The following ZFP91 variants were observed in gnomAD, a reference collection of about 807,000 sequenced individuals.
The protein encoded by ZFP91 is E3 ubiquitin-protein ligase ZFP91.
A neutral mutation model predicts 63.5 loss-of-function variants in ZFP91; 7 were observed. The ratio of observed to expected loss-of-function variants is 0.11; its 90% CI spans 0.06 to 0.21. ZFP91 has a LOEUF of 0.21. Ranked by LOEUF, ZFP91 falls within the 10% of genes least tolerant of loss-of-function variation. The pLI, the probability that ZFP91 is intolerant of heterozygous loss-of-function variation, is 1.00. For missense variants in ZFP91, 628 were observed against 736.6 expected, an observed-to-expected ratio of 0.85 and a Z score of 1.71; for synonymous variants, 330 against 272.1, an observed-to-expected ratio of 1.21 and a Z score of -2.10.
intron 1 of ZFP91, among the ~76,000 whole-genome samples, chr11:58,581,917 G>GA (rs1855123823): frequency 6.6e-6 from 1 of 152,182 alleles, no homozygotes; most frequent in Non-Finnish European, 1.5e-5. Flanking sequence ...AATATCATTA[G>GA]AAAACAGTAG....
chr11:58,608,249 A>G (rs891478498), intron 2 of ZFP91, among the ~76,000 whole-genome samples: 3 of 151,918 alleles, frequency 2.0e-5, no homozygotes, highest in Non-Finnish European at 2.9e-5. Context: ...TTATTTGTGA[A>G]ACCAATCCCT....
intron 2 of ZFP91, among the ~76,000 whole-genome samples, chr11:58,598,804 C>T (rs1306261689): frequency 1.3e-5 from 2 of 150,234 alleles, no homozygotes; most frequent in Non-Finnish European, 3.0e-5. Flanking sequence ...GTGAAATTCA[C>T]ATAACAAAAA....
chr11:58,598,376 A>G (rs752531015), intron 2 of ZFP91, among the ~76,000 whole-genome samples: 3 of 152,084 alleles, frequency 2.0e-5, no homozygotes, highest in Non-Finnish European at 4.4e-5. Context: ...AAATTGTCAC[A>G]AATCTCCAAA....
chr11:58,597,757 A>G (rs986425986), intron 2 of ZFP91, among the ~76,000 whole-genome samples: 5 of 152,174 alleles, frequency 3.3e-5, no homozygotes, highest in Non-Finnish European at 4.4e-5. Context: ...CTTTTCTTCA[A>G]TACTTTTTAT....
intron 2 of ZFP91, among the ~76,000 whole-genome samples, chr11:58,603,271 T>G (rs1021023621): frequency 6.6e-6 from 1 of 152,204 alleles, no homozygotes; most frequent in Non-Finnish European, 1.5e-5. Context: ...AGGAAAGATA[T>G]AAATTGAGGA....
At chr11:58,590,227 A>G (rs2134395032) in intron 2 of ZFP91, among the ~76,000 whole-genome samples, 1 of 152,364 alleles carries the variant, frequency 6.6e-6, no homozygotes, top group African/African-American at 2.4e-5. Context: ...TGTGACAAAA[A>G]GTAATATTGC....
intron 2 of ZFP91, among the ~76,000 whole-genome samples, chr11:58,593,645 T>C (rs1855346375): frequency 6.6e-6 from 1 of 152,256 alleles, no homozygotes. Context: ...TTTGTTTTTA[T>C]GTGCTGACAA....
At chr11:58,581,027 G>A (rs1386174875) in intron 1 of ZFP91, among the ~76,000 whole-genome samples, 1 of 152,118 alleles carries the variant, frequency 6.6e-6, no homozygotes, top group Non-Finnish European at 1.5e-5. Flanking sequence ...CCATGCCTTA[G>A]TTTCCTTACC....
chr11:58,599,359 G>A (rs1014584693), intron 2 of ZFP91, among the ~76,000 whole-genome samples: 1 of 151,982 alleles, frequency 6.6e-6, no homozygotes, highest in Admixed American at 6.6e-5. Flanking sequence ...GTAATTCTGT[G>A]TCTAAGTTTT....
chr11:58,611,298 A>G (rs573747696), intron 5 of ZFP91: 8 of 478,498 alleles, frequency 1.7e-5, no homozygotes, highest in Middle Eastern at 5.4e-4. Context: ...TTTTATTTCA[A>G]CAAGGTATCA....
chr11:58,584,899 T>A lies in ZFP91; in HGVS notation c.370+15T>A, dbSNP rs2134389395. 1 of 1,512,920 alleles carries A rather than the reference T, an allele frequency of 6.6e-7. No individual in the cohort carries two copies. The highest frequency in any genetic ancestry group is 8.8e-7 in the Non-Finnish European group (1 of 1,138,926). 93.7% of individuals were successfully genotyped at this position (1,512,920 alleles called of 1,614,324 possible). Reference sequence around the variant, plus strand: ...AACTGATAAAGGTAAGACTTGGTCATCCTTACCTCTAGCGTACATTACACT... The same window carrying A: ...AACTGATAAAGGTAAGACTTGGTCAACCTTACCTCTAGCGTACATTACACT... On this transcript the variant is annotated intron_variant, in intron 2 of 10. Coordinates refer to ENST00000316059, the MANE Select transcript of ZFP91 (RefSeq NM_053023.5).
intron 2 of ZFP91, among the ~76,000 whole-genome samples, chr11:58,593,124 G>A (rs2134398447): frequency 6.6e-6 from 1 of 152,338 alleles, no homozygotes; most frequent in Non-Finnish European, 1.5e-5. Context: ...TTCAACATGA[G>A]ATTTGAAGAG....
chr11:58,593,975 A>T (rs1855352851), intron 2 of ZFP91, among the ~76,000 whole-genome samples: 1 of 152,098 alleles, frequency 6.6e-6, no homozygotes, highest in African/African-American at 2.4e-5. Flanking sequence ...CTTTAAAGCC[A>T]TTATTATCTG....
intron 2 of ZFP91, among the ~76,000 whole-genome samples, chr11:58,605,406 C>G (rs1855554740): frequency 6.6e-6 from 1 of 152,178 alleles, no homozygotes; most frequent in African/African-American, 2.4e-5. Context: ...TAAGTGCTCT[C>G]TAGTGTCCTT....
chr11:58,611,836 C>T (rs1283673817), intron 6 of ZFP91, 98 bp downstream of exon 6: 1 of 1,368,524 alleles, frequency 7.3e-7, no homozygotes. Context: ...CGTATACATG[C>T]TTCAAAATAT....
chr11:58,590,147 C>T (rs1029484307), intron 2 of ZFP91, among the ~76,000 whole-genome samples: 1 of 152,204 alleles, frequency 6.6e-6, no homozygotes, highest in African/African-American at 2.4e-5. Context: ...TCAGCCAGTA[C>T]AAATCCAAAA....
Position 58,611,610 on chromosome 11 carries a change from C to A in ZFP91, c.729C>A (p.Thr243=). ...AATGCATTTGTGTTTTCAGGGAAAC[C>A]CCAAAGCCACGGAGAAAATCAGGGA... ...ETYKPHLERE[T]PKPRRKSGKV... The change falls in exon 6 of 11, where the codon ACC becomes ACA. Residue 243 remains threonine, a synonymous_variant. Transcript: ENST00000316059. 1 of 1,609,694 alleles carries A rather than the reference C, an allele frequency of 6.2e-7. No homozygotes were observed. The highest frequency in any genetic ancestry group is 1.7e-5 in the Admixed American group (1 of 59,692).
At chr11:58,602,072 G>A (rs1416410888) in intron 2 of ZFP91, among the ~76,000 whole-genome samples, 4 of 151,926 alleles carry the variant, frequency 2.6e-5, no homozygotes, top group Non-Finnish European at 4.4e-5. Flanking sequence ...ACAGACACAC[G>A]CCACCATGCC....
At chr11:58,586,776 T>C (rs370134195) in intron 2 of ZFP91, among the ~76,000 whole-genome samples, 2 of 152,268 alleles carry the variant, frequency 1.3e-5, no homozygotes, top group African/African-American at 4.8e-5. Flanking sequence ...TCAGTTATTC[T>C]GGTACTCTGG....
Sources: allele counts gnomAD v4.1 joint callset (sites outside exome capture counted in the v4.1 genomes callset), GRCh38; gene constraint gnomAD v4.1.1; transcripts MANE v1.5; gene names NCBI Gene and HGNC (gene_info 2026-07-23, HGNC 2026-07-21).